Variants in ZFHX3 observed in about 807,000 individuals in gnomAD.
The protein encoded by ZFHX3 is zinc finger homeobox 3, also known as zinc finger homeobox protein 3.
Under a neutral mutation model 279.1 loss-of-function variants are expected in ZFHX3, and 42 were observed. The ratio of observed to expected loss-of-function variants is 0.15; its 90% confidence interval spans 0.12 to 0.19. ZFHX3 has a LOEUF of 0.19. ZFHX3 is among the 10% of genes least tolerant of loss of function. ZFHX3 has a pLI of 1.00. For synonymous variants in ZFHX3, 2,293 were observed against 1,957.8 expected (o/e 1.17, Z -4.52); for missense variants, 4,981 against 4,754.0 (o/e 1.05, Z -1.40).
At chr16:73,681,427 T>G (rs990967623) in intron 1 of ZFHX3, among the ~76,000 whole-genome samples, 1 of 152,214 alleles carries the variant, frequency 6.6e-6, no homozygotes, top group South Asian at 2.1e-4. Flanking sequence ...ATTAAAATTA[T>G]AGTTATCGGA....
intron 1 of ZFHX3, among the ~76,000 whole-genome samples, chr16:73,023,248 T>C (rs1964371659): frequency 6.6e-6 from 1 of 152,068 alleles, no homozygotes; most frequent in Admixed American, 6.5e-5. Flanking sequence ...ATAAATAAAA[T>C]AAAATATAGT....
Position 72,958,731 on chromosome 16 carries a change from GCCTCTTCCT to G in ZFHX3, c.1406_1414del (p.Glu469_Glu471del), listed in dbSNP as rs747790677. ...CTCCTCTTCTTCCTCCTCCTCCTCC[GCCTCTTCCT>G]CCTCCTCTTCCTCCTCCGCCTCCTC... On this transcript the variant is annotated inframe_deletion, in exon 2 of 10. Transcript: ENST00000268489. 15 of 1,599,954 alleles carry G rather than the reference GCCTCTTCCT, an allele frequency of 9.4e-6. No individual in the cohort carries two copies. In the East Asian group the frequency reaches 2.2e-4, roughly 24 times the overall value.
chr16:73,415,707 G>A (rs74776984), intron 3 of ZFHX3, among the ~76,000 whole-genome samples: 7,530 of 152,184 alleles, frequency 0.049, 400 homozygotes, highest in East Asian at 0.29. Flanking sequence ...CCCCATGTTC[G>A]TTCATCTCAC....
At chr16:73,806,422 T>C (rs1351682236) in intron 1 of ZFHX3, among the ~76,000 whole-genome samples, 1 of 152,164 alleles carries the variant, frequency 6.6e-6, no homozygotes, top group African/African-American at 2.4e-5. Flanking sequence ...CGGAGTGAGA[T>C]GTGCAAGGCT....
intron 4 of ZFHX3, among the ~76,000 whole-genome samples, chr16:73,268,186 G>C (rs2014034592): frequency 1.3e-5 from 2 of 152,048 alleles, no homozygotes; most frequent in Admixed American, 6.6e-5. Context: ...CTAGGGTTTT[G>C]TAAGAAGCAT....
Position 72,794,383 on chromosome 16 carries a change from C to G in ZFHX3, c.8299G>C (p.Gly2767Arg). The change falls in exon 9 of 10, where the codon GGA (glycine) becomes CGA (arginine). Residue 2767 changes from glycine to arginine, a missense_variant. Gly to Arg is a moderately radical substitution (Grantham distance 125). Transcript: ENST00000268489. The surrounding 1 kb of genome is among the most constrained non-coding windows in gnomAD (Gnocchi z 4.2). ...GLQMKGDIFD[G>R]TSFSHLPPSS... is the part of the protein sequence containing the mutation. ...GGGGGTAGGTGGGAAAAGCTAGTTC[C>G]GTCAAAAATATCTCCTTTCATCTGG... is the stretch of plus-strand genomic sequence containing the variant. 1 of 1,604,236 alleles carries G rather than the reference C, an allele frequency of 6.2e-7. No homozygotes were observed. The highest frequency in any genetic ancestry group is 8.5e-7 in the Non-Finnish European group (1 of 1,174,648).
intron 5 of ZFHX3, among the ~76,000 whole-genome samples, chr16:73,238,754 C>T (rs79130653): frequency 0.069 from 10,542 of 152,152 alleles, 791 homozygotes; most frequent in East Asian, 0.43. Context: ...TCTTCTAACT[C>T]GTCCATTGCC....
intron 1 of ZFHX3, among the ~76,000 whole-genome samples, chr16:73,045,587 A>G (rs144604708): frequency 2.2e-4 from 33 of 152,036 alleles, no homozygotes; most frequent in African/African-American, 8.0e-4. Context: ...AAAAAATGGA[A>G]GAAAAGGAAC....
At chr16:73,752,191 C>A (rs1245985063) in intron 1 of ZFHX3, among the ~76,000 whole-genome samples, 1 of 151,942 alleles carries the variant, frequency 6.6e-6, no homozygotes, top group Admixed American at 6.6e-5. Context: ...TCCCAAGGCC[C>A]AGGTAAATGT....
intron 2 of ZFHX3, among the ~76,000 whole-genome samples, chr16:73,474,428 C>T (rs2018729810): frequency 6.6e-6 from 1 of 152,178 alleles, no homozygotes; most frequent in African/African-American, 2.4e-5. Context: ...GGATTACAGG[C>T]ATGAGCCACC....
Position 72,786,379 on chromosome 16 carries a change from A to ACAAGT in ZFHX3, c.*780_*784dup, listed in dbSNP as rs2035369250. 6.6e-6 allele frequency: 1 copy of ACAAGT among 152,042 alleles called. No individual in the cohort carries two copies. Among genetic ancestry groups the ACAAGT allele is most frequent in the African/African-American group, 2.4e-5 (1 of 41,278 alleles). 9.4% of individuals were successfully genotyped at this position (152,042 alleles called of 1,614,324 possible). ...TTTTAAAACTTATTTTTTTTAAGCT[A>ACAAGT]CAAGTCCTCAACACTCTTTGTGTGT... On this transcript the variant is annotated 3_prime_UTR_variant, in exon 10 of 10. Coordinates refer to ENST00000268489, the MANE Select transcript of ZFHX3 (RefSeq NM_006885.4).
chr16:73,101,190 A>T (rs749026219), intron 7 of ZFHX3, among the ~76,000 whole-genome samples: 2 of 152,280 alleles, frequency 1.3e-5, no homozygotes, highest in African/African-American at 2.4e-5. Context: ...AGAGCACTGC[A>T]GCACCATTAT....
chr16:73,784,794 A>T (rs201803609), intron 1 of ZFHX3, among the ~76,000 whole-genome samples: 5,491 of 113,978 alleles, frequency 0.048, 162 homozygotes, highest in East Asian at 0.16. Context: ...AATAAAAAAA[A>T]AAATATATAT....
chr16:73,770,435 T>C (rs1049284856), intron 1 of ZFHX3, among the ~76,000 whole-genome samples: 9 of 152,208 alleles, frequency 5.9e-5, no homozygotes, highest in Admixed American at 3.3e-4. Flanking sequence ...AAACTTGTAT[T>C]GCCTTAAACC....
At chr16:73,182,470 A>G (rs542833607) in intron 5 of ZFHX3, among the ~76,000 whole-genome samples, 1 of 152,264 alleles carries the variant, frequency 6.6e-6, no homozygotes, top group South Asian at 2.1e-4. Context: ...ACAAAACAAA[A>G]AAAACAGTAT....
At chr16:72,788,969 C>G in intron 9 of ZFHX3, 121 bp from the exon 10 acceptor site, 1 of 1,393,614 alleles carries the variant, frequency 7.2e-7, no homozygotes, top group South Asian at 1.7e-5. Flanking sequence ...AGGATCCTCT[C>G]AAAACGAACA....
chr16:73,644,196 A>G (rs1427456836), intron 2 of ZFHX3, among the ~76,000 whole-genome samples: 1 of 152,116 alleles, frequency 6.6e-6, no homozygotes, highest in African/African-American at 2.4e-5. Context: ...TGGTTAAGGC[A>G]TTAAAATGCA....
At chr16:73,835,798 G>A (rs745699722) in intron 1 of ZFHX3, among the ~76,000 whole-genome samples, 9 of 151,850 alleles carry the variant, frequency 5.9e-5, no homozygotes, top group Non-Finnish European at 1.0e-4. Context: ...CACCTATTAA[G>A]AGAAAAAAGA....
At chr16:73,351,272 C>T (rs940422445) in intron 3 of ZFHX3, among the ~76,000 whole-genome samples, 2 of 152,146 alleles carry the variant, frequency 1.3e-5, no homozygotes, top group South Asian at 2.1e-4. Context: ...AACCCCAATC[C>T]GGGAGAGGTC....
Sources: allele counts gnomAD v4.1 joint callset (sites outside exome capture counted in the v4.1 genomes callset), GRCh38; gene constraint gnomAD v4.1.1; non-coding constraint Gnocchi (gnomAD v3.1); transcripts MANE v1.5; gene names NCBI Gene and HGNC (gene_info 2026-07-23, HGNC 2026-07-21).